Variants in KCTD8 observed in about 807,000 individuals in gnomAD.
KCTD8 encodes the protein BTB/POZ domain-containing protein KCTD8.
Under a neutral mutation model 31.5 loss-of-function variants are expected in KCTD8, and 27 were observed. That is an observed-to-expected ratio of 0.86 (90% CI 0.63 to 1.18). The LOEUF (loss-of-function observed/expected upper bound fraction) is 1.18, where lower values mean the gene tolerates loss of function less well. Among genes scored for constraint, KCTD8 ranks in the 50% most tolerant of loss-of-function variants. KCTD8 has a pLI of 0.00. For missense variants in KCTD8, 658 were observed against 647.7 expected (o/e 1.02, Z -0.17); for synonymous variants, 290 against 280.0 (o/e 1.04, Z -0.36).
At chr4:44,307,746 C>T (rs1451041855) in intron 1 of KCTD8, among the ~76,000 whole-genome samples, 1 of 151,922 alleles carries the variant, frequency 6.6e-6, no homozygotes, top group East Asian at 1.9e-4. Flanking sequence ...TATCAACTGA[C>T]ATAATGAGCA....
chr4:44,271,107 T>C (rs1057203486), intron 1 of KCTD8, among the ~76,000 whole-genome samples: 9 of 152,102 alleles, frequency 5.9e-5, no homozygotes, highest in African/African-American at 1.7e-4. Context: ...TAAAAATCCA[T>C]GAGGAAAGGA....
At chr4:44,434,328 C>T (rs1250951536) in intron 1 of KCTD8, among the ~76,000 whole-genome samples, 1 of 151,828 alleles carries the variant, frequency 6.6e-6, no homozygotes, top group Non-Finnish European at 1.5e-5. Context: ...AGGTACCATG[C>T]CAAGTGCTTT....
intron 1 of KCTD8, among the ~76,000 whole-genome samples, chr4:44,393,537 T>G (rs1343825311): frequency 6.7e-6 from 1 of 148,680 alleles, no homozygotes; most frequent in Admixed American, 6.7e-5. Flanking sequence ...AAAAAACACA[T>G]GAAAAAGAGG....
At chr4:44,248,795 T>C (rs1457262604) in intron 1 of KCTD8, among the ~76,000 whole-genome samples, 19 of 151,860 alleles carry the variant, frequency 1.3e-4, no homozygotes, top group Non-Finnish European at 4.4e-5. Flanking sequence ...CACATATAAA[T>C]GATGACCAAG....
At chr4:44,213,248 T>C (rs938325805) in intron 1 of KCTD8, among the ~76,000 whole-genome samples, 3 of 152,196 alleles carry the variant, frequency 2.0e-5, no homozygotes, top group African/African-American at 7.2e-5. Flanking sequence ...CTTTTTTTTA[T>C]TGACCAAAAT....
chr4:44,211,437 C>G (rs1714481442), intron 1 of KCTD8, among the ~76,000 whole-genome samples: 2 of 152,110 alleles, frequency 1.3e-5, no homozygotes, highest in African/African-American at 4.8e-5. Flanking sequence ...AATGCTGTTA[C>G]AACTCATTAG....
chr4:44,357,355 T>C (rs1054933192), intron 1 of KCTD8, among the ~76,000 whole-genome samples: 2 of 152,164 alleles, frequency 1.3e-5, no homozygotes, highest in African/African-American at 2.4e-5. Context: ...ACCACTGGCA[T>C]CAAAAGAAAA....
At chr4:44,261,814 T>C (rs1041170074) in intron 1 of KCTD8, among the ~76,000 whole-genome samples, 9 of 152,080 alleles carry the variant, frequency 5.9e-5, no homozygotes, top group Non-Finnish European at 8.8e-5. Flanking sequence ...ATAGGAATTG[T>C]ATATGACAGT....
intron 1 of KCTD8, among the ~76,000 whole-genome samples, chr4:44,434,267 C>A (rs1441120865): frequency 6.6e-6 from 1 of 151,882 alleles, no homozygotes; most frequent in Non-Finnish European, 1.5e-5. Context: ...CCATAACTGT[C>A]TATAAATAAC....
intron 1 of KCTD8, among the ~76,000 whole-genome samples, chr4:44,389,987 T>A (rs1182523124): frequency 1.3e-5 from 2 of 151,960 alleles, no homozygotes; most frequent in African/African-American, 4.8e-5. Context: ...GGATTGTTTG[T>A]TTTTATTTCT....
chr4:44,366,543 G>A (rs569204027), intron 1 of KCTD8, among the ~76,000 whole-genome samples: 1 of 152,116 alleles, frequency 6.6e-6, no homozygotes, highest in Admixed American at 6.6e-5. Context: ...CTGCAGAATC[G>A]TGAGTCAATT....
chr4:44,206,236 C>G (rs1484735057), intron 1 of KCTD8, among the ~76,000 whole-genome samples: 1 of 152,080 alleles, frequency 6.6e-6, no homozygotes, highest in Admixed American at 6.6e-5. Flanking sequence ...AGTTTGGACC[C>G]TAATTCATTA....
At chr4:44,406,074 C>CA (rs951506300) in intron 1 of KCTD8, among the ~76,000 whole-genome samples, 2 of 152,034 alleles carry the variant, frequency 1.3e-5, no homozygotes, top group Admixed American at 1.3e-4. Context: ...ACACTTCTTT[C>CA]TTTATAATAT....
At chr4:44,292,937 A>G (rs978216976) in intron 1 of KCTD8, among the ~76,000 whole-genome samples, 42 of 152,278 alleles carry the variant, frequency 2.8e-4, no homozygotes, top group African/African-American at 9.4e-4. Context: ...ACTGTAGGAC[A>G]TATTTTTCTA....
rs748266665 is a variant in KCTD8, at chr4:44,447,959, C to T, written c.565G>A (p.Gly189Ser). 21 of 1,526,332 alleles carry T rather than the reference C, an allele frequency of 1.4e-5. No homozygotes were observed. Among genetic ancestry groups the T allele is most frequent in the Admixed American group, 2.1e-5 (1 of 48,222 alleles). The allele number at this position is 1,526,332 out of a possible 1,614,324, so 94.5% of individuals were successfully genotyped here. A position where few individuals can be genotyped will look rare whatever the true frequency, so the allele number is the denominator to read the frequency against. ...LRGAAAAVPS[G>S]PGAHGGGGGG... ...CCGCCACCACCGTGCGCTCCCGGGC[C>T]CGAGGGCACGGCGGCCGCCGCCCCG... Residue 189 changes from glycine (G) to serine (S), a missense_variant, in exon 1 of 2, where the codon GGC becomes AGC. Gly to Ser is a moderately conservative substitution (Grantham distance 56). Coordinates refer to ENST00000360029, the MANE Select transcript of KCTD8 (RefSeq NM_198353.3).
intron 1 of KCTD8, among the ~76,000 whole-genome samples, chr4:44,273,458 T>C (rs892589904): frequency 2.0e-5 from 3 of 151,926 alleles, no homozygotes; most frequent in Non-Finnish European, 2.9e-5. Flanking sequence ...TTTTTATGAC[T>C]GAAAGACTGC....
intron 1 of KCTD8, among the ~76,000 whole-genome samples, chr4:44,311,395 T>C (rs1216114775): frequency 6.6e-6 from 1 of 152,094 alleles, no homozygotes; most frequent in Admixed American, 6.6e-5. Flanking sequence ...GTTTACCCAT[T>C]ACATCCAAAT....
At chr4:44,404,525 C>A (rs1379850283) in intron 1 of KCTD8, among the ~76,000 whole-genome samples, 1 of 152,112 alleles carries the variant, frequency 6.6e-6, no homozygotes, top group African/African-American at 2.4e-5. Context: ...CCTAATGGGA[C>A]AATAACTACA....
intron 1 of KCTD8, among the ~76,000 whole-genome samples, chr4:44,328,767 A>G (rs927312604): frequency 5.9e-5 from 9 of 151,946 alleles, no homozygotes; most frequent in Admixed American, 6.6e-5. Flanking sequence ...TTAACTACCC[A>G]TAAGTAATTT....
Sources: gnomAD v4.1 joint callset for allele counts (sites outside exome capture counted in the v4.1 genomes callset) on GRCh38, gnomAD v4.1.1 for gene constraint, MANE v1.5 for transcripts, NCBI Gene and HGNC (gene_info 2026-07-23, HGNC 2026-07-21) for gene names.